Variants in WFDC10B observed in about 807,000 individuals in gnomAD.
The protein encoded by WFDC10B is WAP four-disulfide core domain 10B.
Under a neutral mutation model 2.7 loss-of-function variants are expected in WFDC10B, and 1 was observed. The ratio of observed to expected loss-of-function variants is 0.38; its 90% CI spans 0.13 to 1.79. The LOEUF (loss-of-function observed/expected upper bound fraction) is 1.79, where lower values mean the gene tolerates loss of function less well. Ranked by LOEUF, WFDC10B falls within the 40% of genes most tolerant of loss-of-function variation. The pLI is 0.33. For synonymous variants in WFDC10B, 26 were observed against 32.2 expected (o/e 0.81, Z 0.65); for missense variants, 71 against 87.8 (o/e 0.81, Z 0.76).
At chr20:45,692,582 C>T (rs1046082137) in intron 2 of WFDC10B, among the ~76,000 whole-genome samples, 2 of 152,060 alleles carry the variant, frequency 1.3e-5, no homozygotes, top group African/African-American at 2.4e-5. Context: ...TCATTTCATT[C>T]GTCTTCCATC....
chr20:45,686,954 C>T (rs981724775), intron 2 of WFDC10B, among the ~76,000 whole-genome samples: 2 of 152,216 alleles, frequency 1.3e-5, no homozygotes, highest in Non-Finnish European at 2.9e-5. Flanking sequence ...AGCCACCACA[C>T]TCGGCCTAAT....
chr20:45,685,893 A>G lies in WFDC10B; in HGVS notation c.91+9T>C, dbSNP rs1227182303. 6 of 1,613,506 alleles carry G rather than the reference A, an allele frequency of 3.7e-6. No homozygotes were observed. The highest frequency in any genetic ancestry group is 4.2e-6 in the Non-Finnish European group (5 of 1,179,992). On this transcript the variant is annotated intron_variant, in intron 3 of 3. Transcript: ENST00000330523. ...CTCTCCATCACCCATCCAGCAGCCC[A>G]TCACCTACTCTGCATCCTCATCTTG...
chr20:45,693,696 G>C (rs1254395649), intron 2 of WFDC10B, among the ~76,000 whole-genome samples: 3 of 152,184 alleles, frequency 2.0e-5, no homozygotes, highest in Non-Finnish European at 4.4e-5. Flanking sequence ...ACAGTATTGG[G>C]GTAGGAGTGA....
intron 2 of WFDC10B, among the ~76,000 whole-genome samples, chr20:45,695,972 A>G (rs922437093): frequency 1.3e-5 from 2 of 152,042 alleles, no homozygotes; most frequent in Non-Finnish European, 2.9e-5. Context: ...TAGAAAATCT[A>G]TAACTGTAAA....
At position 45,690,346 on chromosome 20, in the gene WFDC10B, T is replaced by C. The variant is rs1983770488; in HGVS notation, c.-64-4290A>G. On this transcript the variant is annotated intron_variant, in intron 2 of 3. Coordinates refer to ENST00000330523, the MANE Select transcript of WFDC10B (RefSeq NM_172006.2). ...CCCGGCTTTGGTATCAGGATGATGC[T>C]GGTCTCATAAAATGAGTTAGGGAGG... is the stretch of plus-strand genomic sequence containing the variant. Among the ~76,000 whole-genome samples, 4 of 152,234 alleles carry C rather than the reference T, an allele frequency of 2.6e-5. 1 individual carries two copies. In the South Asian group the frequency reaches 8.3e-4, roughly 32 times the overall value.
At chr20:45,685,507 A>AC (rs1472886281) in intron 3 of WFDC10B, among the ~76,000 whole-genome samples, 1 of 151,846 alleles carries the variant, frequency 6.6e-6, no homozygotes. Context: ...TTTACCCTAC[A>AC]CTTATACCCA....
At chr20:45,685,121 G>A (rs904912096) in intron 3 of WFDC10B, among the ~76,000 whole-genome samples, 161 bp from the exon 4 acceptor site, 1 of 152,030 alleles carries the variant, frequency 6.6e-6, no homozygotes, top group Admixed American at 6.6e-5. Context: ...CAATCCTAGT[G>A]ATTGGCAGTA....
At chr20:45,693,879 G>C (rs551972163) in intron 2 of WFDC10B, among the ~76,000 whole-genome samples, 1 of 152,290 alleles carries the variant, frequency 6.6e-6, no homozygotes, top group South Asian at 2.1e-4. Flanking sequence ...AGATGAACCC[G>C]GTACCTCAGA....
Position 45,704,588 on chromosome 20 carries a change from G to A in WFDC10B, c.-129-27C>T, listed in dbSNP as rs142436120. The A allele has an allele frequency of 1.4e-3, 2,310 of 1,613,864 alleles. 7 individuals carry two copies. The highest frequency in any genetic ancestry group is 6.6e-3 in the African/African-American group (497 of 74,962). On this transcript the variant is annotated intron_variant, in intron 1 of 3. Transcript: ENST00000330523. Reference sequence around the variant, plus strand: ...TGTTCATCAGAAACATTTCAAAAGCGCAACAGGTAAGAGATATCTCATATC... The same window carrying A: ...TGTTCATCAGAAACATTTCAAAAGCACAACAGGTAAGAGATATCTCATATC...
At chr20:45,686,615 GC>G (rs1289137395) in intron 2 of WFDC10B, among the ~76,000 whole-genome samples, 1 of 151,874 alleles carries the variant, frequency 6.6e-6, no homozygotes, top group Non-Finnish European at 1.5e-5. Flanking sequence ...CATATCATGA[GC>G]CCCTTTAGGA....
chr20:45,690,415 G>C (rs1376822264), intron 2 of WFDC10B, among the ~76,000 whole-genome samples: 1 of 151,966 alleles, frequency 6.6e-6, no homozygotes, highest in Non-Finnish European at 1.5e-5. Flanking sequence ...AGAAGGAATG[G>C]TACCAGTTCC....
intron 2 of WFDC10B, among the ~76,000 whole-genome samples, chr20:45,696,007 C>T (rs1983964735): frequency 6.6e-6 from 1 of 152,004 alleles, no homozygotes; most frequent in African/African-American, 2.4e-5. Flanking sequence ...AAGAGCACGG[C>T]CAGGCGCAGT....
At chr20:45,691,815 T>C (rs1340095023) in intron 2 of WFDC10B, among the ~76,000 whole-genome samples, 3 of 152,252 alleles carry the variant, frequency 2.0e-5, no homozygotes, top group African/African-American at 4.8e-5. Context: ...TGTCTTTTAA[T>C]TGGAGCATTT....
At chr20:45,686,151 G>A (rs1983610171) in intron 2 of WFDC10B, 95 bp from the exon 3 acceptor site, 2 of 1,401,806 alleles carry the variant, frequency 1.4e-6, no homozygotes, top group Admixed American at 2.7e-5. Flanking sequence ...CTTGCTTCCT[G>A]CCCTTGCCTT....
In WFDC10B at chr20:45,699,316, AT is replaced by A. The variant is rs1415149484; in HGVS notation, c.-65+5180del. 5.9e-5 allele frequency among the ~76,000 whole-genome samples: 9 copies of A among 152,362 alleles called. No individual in the cohort carries two copies. The East Asian group carries it at 9.6e-4, about 16-fold the overall frequency. ...GAGTTAAAAATATATACTCAAAAAA[AT>A]ATTCATCTACAAATGTTCATAGCTG... is the stretch of plus-strand genomic sequence containing the variant. On this transcript the variant is annotated intron_variant, in intron 2 of 3. Coordinates refer to ENST00000330523, the MANE Select transcript of WFDC10B (RefSeq NM_172006.2).
At position 45,692,486 on chromosome 20, in the gene WFDC10B, A is replaced by G. The variant is rs548639150; in HGVS notation, c.-64-6430T>C. ...TTTCAGGTACACCAATCAGACGTAG[A>G]TTTGGTCTTTTCACATAGTCCCATA... On this transcript the variant is annotated intron_variant, in intron 2 of 3. Coordinates refer to ENST00000330523, the MANE Select transcript of WFDC10B (RefSeq NM_172006.2). Among the ~76,000 whole-genome samples the G allele has an allele frequency of 8.4e-3, 1,277 of 152,176 alleles. 20 individuals carry two copies. Among genetic ancestry groups the G allele is most frequent in the African/African-American group, 0.029 (1,204 of 41,526 alleles).
rs76530431 is a variant in WFDC10B, at chr20:45,702,727, A to C, written c.-65+1770T>G. Among the ~76,000 whole-genome samples the C allele has an allele frequency of 5.5e-3, 834 of 152,282 alleles. 6 individuals carry two copies. Among genetic ancestry groups the C allele is most frequent in the African/African-American group, 0.019 (800 of 41,556 alleles). On this transcript the variant is annotated intron_variant, in intron 2 of 3. Coordinates refer to ENST00000330523, the MANE Select transcript of WFDC10B (RefSeq NM_172006.2). Reference sequence around the variant, plus strand: ...TTTTCAAACTCCAGAGGTACTGTACAATTACCGGTAATTAGCATCAATGGG... The same window carrying C: ...TTTTCAAACTCCAGAGGTACTGTACCATTACCGGTAATTAGCATCAATGGG...
chr20:45,701,932 C>T (rs1454545696), intron 2 of WFDC10B: 6 of 584,498 alleles, frequency 1.0e-5, no homozygotes, highest in Non-Finnish European at 1.5e-5. Context: ...GAAAACACTA[C>T]GTGACCCTGG....
chr20:45,687,153 T>A (rs1466540938), intron 2 of WFDC10B, among the ~76,000 whole-genome samples: 1 of 152,144 alleles, frequency 6.6e-6, no homozygotes, highest in Non-Finnish European at 1.5e-5. Context: ...CCTGATGCTC[T>A]CCCTCCTATG....
Sources: gnomAD v4.1 joint callset for allele counts (sites outside exome capture counted in the v4.1 genomes callset) on GRCh38, gnomAD v4.1.1 for gene constraint, MANE v1.5 for transcripts, NCBI Gene and HGNC (gene_info 2026-07-23, HGNC 2026-07-21) for gene names.